The following TTLL5 variants were observed in gnomAD, a reference collection of about 807,000 sequenced individuals.
The protein encoded by TTLL5 is tubulin tyrosine ligase like 5.
TTLL5 carries 132 observed loss-of-function variants against 168.4 expected under a neutral mutation model. That is an observed-to-expected ratio of 0.78 (90% CI 0.68 to 0.91). The LOEUF is 0.91. Ranked by LOEUF, TTLL5 falls within the 40% of genes least tolerant of loss-of-function variation. The pLI is 0.00. For missense variants in TTLL5, 1,545 were observed against 1,581.5 expected (o/e 0.98, Z 0.39); for synonymous variants, 546 against 558.6 (o/e 0.98, Z 0.32).
chr14:75,939,648 C>A (rs543579021), intron 31 of TTLL5, among the ~76,000 whole-genome samples: 5 of 152,260 alleles, frequency 3.3e-5, no homozygotes, highest in African/African-American at 1.2e-4. Context: ...CTCAGCCTCC[C>A]AAAGTGCTGG....
At chr14:75,846,542 G>A (rs896025928) in intron 28 of TTLL5, among the ~76,000 whole-genome samples, 2 of 152,176 alleles carry the variant, frequency 1.3e-5, no homozygotes, top group African/African-American at 4.8e-5. Context: ...TGTAATCCTA[G>A]CACTTTGGGA....
At chr14:75,909,002 C>T (rs1263836836) in intron 31 of TTLL5, among the ~76,000 whole-genome samples, 2 of 151,650 alleles carry the variant, frequency 1.3e-5, no homozygotes, top group African/African-American at 4.9e-5. Flanking sequence ...GGTCTCGAAC[C>T]CCTAAGCTCA....
intron 27 of TTLL5, among the ~76,000 whole-genome samples, chr14:75,812,581 A>G (rs1894116438): frequency 6.6e-6 from 1 of 152,182 alleles, no homozygotes; most frequent in Non-Finnish European, 1.5e-5. Flanking sequence ...CAACATTGAG[A>G]AATAGTAAAA....
At chr14:75,725,954 TC>T (rs956841195) in intron 12 of TTLL5, among the ~76,000 whole-genome samples, 39 of 152,334 alleles carry the variant, frequency 2.6e-4, no homozygotes, top group African/African-American at 8.4e-4. Context: ...TATAAAGACT[TC>T]CTCTTTAGCT....
At chr14:75,811,161 G>GTA (rs1893983936) in intron 27 of TTLL5, among the ~76,000 whole-genome samples, 3 of 137,038 alleles carry the variant, frequency 2.2e-5, no homozygotes, top group Non-Finnish European at 4.7e-5. Flanking sequence ...GAAAGAGTGT[G>GTA]TGTGTGTGTG....
intron 7 of TTLL5, among the ~76,000 whole-genome samples, chr14:75,704,011 G>T (rs1455063744): frequency 1.3e-5 from 2 of 152,182 alleles, no homozygotes; most frequent in African/African-American, 4.8e-5. Context: ...TGTTAAGTTT[G>T]CAGTAATAAT....
intron 18 of TTLL5, among the ~76,000 whole-genome samples, chr14:75,756,474 A>G (rs532710222): frequency 6.6e-5 from 10 of 151,682 alleles, no homozygotes; most frequent in African/African-American, 2.4e-4. Context: ...TGAATTAAAT[A>G]CACACGTACA....
rs145766963 is a variant in TTLL5 at position 75,853,990 on chromosome 14, C to T, written c.3327-9677C>T. ...ACCCAGAGGCAGAGGTTGCAGTGAG[C>T]GGAGACCATGCCACTGCCCTCCAGT... On this transcript the variant is annotated intron_variant, in intron 28 of 31. Transcript: ENST00000298832. Among the ~76,000 whole-genome samples, 485 of 151,876 alleles carry T rather than the reference C, an allele frequency of 3.2e-3. 2 individuals are homozygous for T. Among genetic ancestry groups the T allele is most frequent in the Non-Finnish European group, 5.2e-3 (354 of 67,970 alleles).
chr14:75,737,662 G>A, intron 15 of TTLL5: 3 of 1,507,598 alleles, frequency 2.0e-6, no homozygotes, highest in Non-Finnish European at 1.8e-6. Context: ...TTCTCCAAAT[G>A]GAAAGTTTTT....
chr14:75,914,033 A>AAAAAAAAAAATAT, intron 31 of TTLL5, among the ~76,000 whole-genome samples: 1 of 71,100 alleles, frequency 1.4e-5, no homozygotes, highest in Non-Finnish European at 2.1e-5. Context: ...AAAAAAAAAA[A>AAAAAAAAAAATAT]ATATATATAT....
chr14:75,863,711 A>T lies in TTLL5; in HGVS notation c.3371A>T (p.Asn1124Ile). 1 of 1,612,100 alleles carries T rather than the reference A, an allele frequency of 6.2e-7. No individual in the cohort carries two copies. The highest frequency in any genetic ancestry group is 8.5e-7 in the Non-Finnish European group (1 of 1,178,666). Reference sequence around the variant, plus strand: ...TTTGCCTGGGAAGGAGAAGTAGAAAACAACGTGTACAGCCAGGCTACAGGG... The same window carrying T: ...TTTGCCTGGGAAGGAGAAGTAGAAATCAACGTGTACAGCCAGGCTACAGGG... Reference protein sequence around the residue: ...GGFAWEGEVENNVYSQATGVV... With the variant: ...GGFAWEGEVEINVYSQATGVV... The change falls in exon 29 of 32, where the codon AAC (asparagine) becomes ATC (isoleucine). Residue 1124 changes from asparagine to isoleucine, a missense_variant. By Grantham distance (149) the Asn-to-Ile change is moderately radical. Transcript: ENST00000298832.
chr14:75,688,512 C>T (rs549158188), intron 5 of TTLL5, among the ~76,000 whole-genome samples: 1 of 152,262 alleles, frequency 6.6e-6, no homozygotes, highest in Admixed American at 6.5e-5. Flanking sequence ...GTGAGCTGCT[C>T]TAACAAATTA....
Position 75,764,484 on chromosome 14 carries a change from G to A in TTLL5, c.1551-131G>A, listed in dbSNP as rs985037807. The A allele has an allele frequency of 4.6e-6, 5 of 1,082,268 alleles. No individual in the cohort carries two copies. The African/African-American group carries it at 7.9e-5, about 17-fold the overall frequency. 67.0% of individuals were successfully genotyped at this position (1,082,268 alleles called of 1,614,324 possible). On this transcript the variant is annotated intron_variant, in intron 18 of 31. Transcript: ENST00000298832. ...TAGATTCTAGTGTTCCTCTTTATCT[G>A]TCAAACTTTTAGAATTCACTTGAGT...
At chr14:75,878,816 T>A (rs1293257630) in intron 29 of TTLL5, among the ~76,000 whole-genome samples, 1 of 152,168 alleles carries the variant, frequency 6.6e-6, no homozygotes, top group Admixed American at 6.5e-5. Flanking sequence ...AGGTGTGAAG[T>A]TATTTTTGTT....
At chr14:75,813,741 T>C (rs564272906) in intron 27 of TTLL5, among the ~76,000 whole-genome samples, 1 of 152,164 alleles carries the variant, frequency 6.6e-6, no homozygotes, top group East Asian at 1.9e-4. Context: ...CTTATAAGCT[T>C]CTTATGTGTA....
At chr14:75,803,186 G>A (rs1166344027) in intron 27 of TTLL5, 1 of 152,206 alleles carries the variant, frequency 6.6e-6, no homozygotes, top group Non-Finnish European at 1.5e-5. Flanking sequence ...TGGAGGATGA[G>A]GCAGTGCCAC....
At chr14:75,825,893 G>A (rs550705793) in intron 28 of TTLL5, among the ~76,000 whole-genome samples, 4 of 152,118 alleles carry the variant, frequency 2.6e-5, no homozygotes, top group East Asian at 3.9e-4. Context: ...AGCCAGACAC[G>A]TAACCTCTCA....
At chr14:75,864,619 C>T (rs1043719461) in intron 29 of TTLL5, among the ~76,000 whole-genome samples, 3 of 151,766 alleles carry the variant, frequency 2.0e-5, no homozygotes, top group Admixed American at 6.6e-5. Flanking sequence ...ATGACCTCAC[C>T]GAAAATTCAG....
At chr14:75,767,726 T>G (rs1461604305) in intron 20 of TTLL5, among the ~76,000 whole-genome samples, 1 of 152,214 alleles carries the variant, frequency 6.6e-6, no homozygotes, top group African/African-American at 2.4e-5. Flanking sequence ...CGGTGAGATC[T>G]TGTTTTAGAA....
Sources: allele counts gnomAD v4.1 joint callset (sites outside exome capture counted in the v4.1 genomes callset), GRCh38; gene constraint gnomAD v4.1.1; transcripts MANE v1.5; gene names NCBI Gene and HGNC (gene_info 2026-07-23, HGNC 2026-07-21).